PTPRT: variants seen among roughly 807,000 people sequenced by gnomAD.
PTPRT encodes protein tyrosine phosphatase receptor type T.
Under a neutral mutation model 176.8 loss-of-function variants are expected in PTPRT, and 56 were observed. The observed-to-expected ratio is 0.32, with a 90% CI of 0.26 to 0.40. The LOEUF is 0.40. Ranked by LOEUF, PTPRT falls within the 10% of genes least tolerant of loss-of-function variation. The probability of loss-of-function intolerance (pLI) is 1.00; values close to 1 mark genes in which losing one functional copy is unlikely to be tolerated. For missense variants in PTPRT, 1,540 were observed against 1,908.2 expected, an observed-to-expected ratio of 0.81 and a Z score of 3.60; for synonymous variants, 783 against 739.0, an observed-to-expected ratio of 1.06 and a Z score of -0.96.
intron 7 of PTPRT, among the ~76,000 whole-genome samples, chr20:42,597,176 G>A (rs567435478): frequency 2.8e-4 from 42 of 152,258 alleles, no homozygotes; most frequent in African/African-American, 9.6e-4. Flanking sequence ...TTTGAGGCTT[G>A]CTTCTTCCAG....
intron 15 of PTPRT, 153 bp from the exon 16 acceptor site, chr20:42,199,541 G>A (rs747658532): frequency 2.3e-6 from 2 of 856,308 alleles, no homozygotes; most frequent in Middle Eastern, 3.3e-4. Context: ...AACCATGAAT[G>A]GTTTCCATTT....
intron 4 of PTPRT, among the ~76,000 whole-genome samples, chr20:42,773,929 G>C (rs2077097852): frequency 6.6e-6 from 1 of 152,182 alleles, no homozygotes; most frequent in South Asian, 2.1e-4. Context: ...AATTAGCAAT[G>C]AATCTTTTCT....
chr20:43,115,230 C>A (rs1485279231), intron 1 of PTPRT, among the ~76,000 whole-genome samples: 1 of 152,162 alleles, frequency 6.6e-6, no homozygotes, highest in African/African-American at 2.4e-5. Flanking sequence ...CTAGAAGGCC[C>A]CACAGGAGCT....
chr20:42,127,378 C>G (rs1170432120), intron 19 of PTPRT, among the ~76,000 whole-genome samples: 1 of 152,098 alleles, frequency 6.6e-6, no homozygotes, highest in Non-Finnish European at 1.5e-5. Context: ...CAGTGTCTGT[C>G]TGTCTGTCTG....
chr20:42,128,670 C>T, intron 19 of PTPRT, 84 bp downstream of exon 19: 1 of 1,276,608 alleles, frequency 7.8e-7, no homozygotes, highest in South Asian at 1.7e-5. Context: ...GAAGGGCCAC[C>T]TTCTGGAGGA....
At chr20:43,073,104 C>T (rs2011202507) in intron 1 of PTPRT, among the ~76,000 whole-genome samples, 1 of 152,164 alleles carries the variant, frequency 6.6e-6, no homozygotes, top group Admixed American at 6.5e-5. Flanking sequence ...GACTTGCTTA[C>T]ACTGCAAAAT....
intron 2 of PTPRT, among the ~76,000 whole-genome samples, chr20:42,883,782 C>T (rs547413092): frequency 0.023 from 78 of 3,408 alleles, no homozygotes; most frequent in Non-Finnish European, 0.034. Flanking sequence ...CCTCCATAAA[C>T]GCACACCCAT....
chr20:43,120,335 G>C (rs892133197), intron 1 of PTPRT, among the ~76,000 whole-genome samples: 2 of 151,086 alleles, frequency 1.3e-5, no homozygotes, highest in African/African-American at 4.9e-5. Flanking sequence ...GCAGTGGCGC[G>C]ACCTCGGCTC....
intron 1 of PTPRT, among the ~76,000 whole-genome samples, chr20:43,067,196 T>C (rs528227809): frequency 6.6e-6 from 1 of 152,294 alleles, no homozygotes; most frequent in East Asian, 1.9e-4. Flanking sequence ...TTGAAAATTA[T>C]GCTAAGTGAG....
intron 6 of PTPRT, among the ~76,000 whole-genome samples, chr20:42,690,222 C>T (rs1569086759): frequency 6.6e-6 from 1 of 152,092 alleles, no homozygotes; most frequent in South Asian, 2.1e-4. Context: ...GTGACCTGAT[C>T]AGGAATGGTC....
chr20:42,727,667 G>A (rs1020656197), intron 6 of PTPRT, among the ~76,000 whole-genome samples: 4 of 152,168 alleles, frequency 2.6e-5, no homozygotes, highest in African/African-American at 7.2e-5. Context: ...TCAGTAGAAA[G>A]TTTTCTTCTG....
At chr20:42,774,683 G>A (rs777199103) in intron 4 of PTPRT, among the ~76,000 whole-genome samples, 7 of 152,104 alleles carry the variant, frequency 4.6e-5, no homozygotes, top group Non-Finnish European at 1.0e-4. Context: ...ATACATTCAG[G>A]GATGCCCCCA....
At chr20:42,375,678 A>G (rs2058642630) in intron 9 of PTPRT, among the ~76,000 whole-genome samples, 1 of 152,214 alleles carries the variant, frequency 6.6e-6, no homozygotes, top group South Asian at 2.1e-4. Flanking sequence ...GAGAGGTGGT[A>G]ACCAAGTAAA....
At chr20:42,348,246 A>C (rs1341608774) in intron 11 of PTPRT, among the ~76,000 whole-genome samples, 2 of 152,156 alleles carry the variant, frequency 1.3e-5, no homozygotes, top group Non-Finnish European at 2.9e-5. Flanking sequence ...ATGCTCAAGA[A>C]ACAGTCTGGA....
At chr20:42,844,125 T>A (rs2078327275) in intron 2 of PTPRT, among the ~76,000 whole-genome samples, 1 of 152,250 alleles carries the variant, frequency 6.6e-6, no homozygotes, top group African/African-American at 2.4e-5. Context: ...GCCAACTATG[T>A]GCCAGGCACT....
intron 7 of PTPRT, among the ~76,000 whole-genome samples, chr20:42,645,487 C>T (rs1051020191): frequency 3.3e-5 from 5 of 152,162 alleles, no homozygotes; most frequent in Non-Finnish European, 7.3e-5. Flanking sequence ...TGAGCCTTCA[C>T]TGTGTTTTCA....
intron 7 of PTPRT, among the ~76,000 whole-genome samples, chr20:42,672,371 C>G (rs976872789): frequency 6.6e-6 from 1 of 152,200 alleles, no homozygotes; most frequent in Admixed American, 6.5e-5. Context: ...CTTTGGGACT[C>G]GGACTGGCTT....
chr20:42,334,136 A>T (rs1252818988), intron 11 of PTPRT, among the ~76,000 whole-genome samples: 1 of 152,198 alleles, frequency 6.6e-6, no homozygotes, highest in Non-Finnish European at 1.5e-5. Flanking sequence ...TTTAAAAAAA[A>T]GTCTATTAAG....
In PTPRT at chr20:42,783,217, TTTC is replaced by T. The variant is rs770206281; in HGVS notation, c.487-2921_487-2919del. Among the ~76,000 whole-genome samples, 4 of 152,314 alleles carry T rather than the reference TTTC, an allele frequency of 2.6e-5. No individual in the cohort carries two copies. The South Asian group carries it at 8.3e-4, about 32-fold the overall frequency. ...CAATTTATTTAAAGTTACACAATGC[TTTC>T]TTAATAACTATGGTGTCAAGTGTGC... is the stretch of plus-strand genomic sequence containing the variant. On this transcript the variant is annotated intron_variant, in intron 3 of 30. Coordinates refer to ENST00000373187, the MANE Select transcript of PTPRT (RefSeq NM_007050.6).
Sources: gnomAD v4.1 joint callset for allele counts (sites outside exome capture counted in the v4.1 genomes callset) on GRCh38, gnomAD v4.1.1 for gene constraint, MANE v1.5 for transcripts, NCBI Gene and HGNC (gene_info 2026-07-23, HGNC 2026-07-21) for gene names.